The following L3MBTL4 variants were observed in gnomAD, a reference collection of about 807,000 sequenced individuals.
The protein encoded by L3MBTL4 is lethal(3)malignant brain tumor-like protein 4.
L3MBTL4 carries 70 observed loss-of-function variants against 84.5 expected under a neutral mutation model. The observed-to-expected ratio is 0.83, with a 90% CI of 0.68 to 1.01. The LOEUF (loss-of-function observed/expected upper bound fraction) is 1.01. L3MBTL4 is among the 50% of genes least tolerant of loss of function. The pLI is 0.00. For synonymous variants in L3MBTL4, 274 were observed against 259.8 expected (o/e 1.05, Z -0.52); for missense variants, 715 against 754.8 (o/e 0.95, Z 0.62).
chr18:6,105,887 T>C (rs1318274447), intron 14 of L3MBTL4, among the ~76,000 whole-genome samples: 1 of 151,582 alleles, frequency 6.6e-6, no homozygotes, highest in East Asian at 1.9e-4. Context: ...ATTTAGGTAG[T>C]AAAATTATAG....
intron 1 of L3MBTL4, chr18:6,326,859 A>T (rs2051748722): frequency 6.6e-6 from 1 of 152,228 alleles, no homozygotes; most frequent in Admixed American, 6.5e-5. Flanking sequence ...ACTATAGGAC[A>T]GACAGTACAT....
intron 1 of L3MBTL4, among the ~76,000 whole-genome samples, chr18:6,317,523 A>C (rs2051169375): frequency 6.6e-6 from 1 of 152,166 alleles, no homozygotes; most frequent in South Asian, 2.1e-4. Flanking sequence ...CTCGAAGATA[A>C]GGCTTTTGTT....
At chr18:6,322,935 T>C (rs1212537894) in intron 1 of L3MBTL4, among the ~76,000 whole-genome samples, 1 of 152,136 alleles carries the variant, frequency 6.6e-6, no homozygotes, top group Non-Finnish European at 1.5e-5. Context: ...TGGGAGGTGA[T>C]TGGATCATGA....
chr18:6,075,588 A>T (rs1364182121), intron 16 of L3MBTL4, among the ~76,000 whole-genome samples: 2 of 152,180 alleles, frequency 1.3e-5, no homozygotes, highest in African/African-American at 2.4e-5. Flanking sequence ...TAGAATAAAA[A>T]TCAGCAAAAT....
intron 1 of L3MBTL4, among the ~76,000 whole-genome samples, chr18:6,365,553 T>C (rs1167507411): frequency 1.3e-5 from 2 of 152,194 alleles, no homozygotes; most frequent in South Asian, 2.1e-4. Context: ...AGGTTTCTTA[T>C]AGGAAGATAA....
chr18:6,237,866 A>G (rs2047281707), intron 10 of L3MBTL4, 98 bp downstream of exon 10: 2 of 864,000 alleles, frequency 2.3e-6, no homozygotes, highest in Non-Finnish European at 4.0e-6. Flanking sequence ...CATATTAAAT[A>G]GATATGTATT....
In L3MBTL4 at chr18:6,239,769, T is replaced by C; in HGVS notation, c.656A>G (p.Glu219Gly). The stretch of plus-strand genomic sequence containing the variant: ...GTCAAAATGCACTAGTAAGCGATCT[T>C]CAACAATATCTGCTATGGTCGCCAC... ...VCVATIADIV[E>G]DRLLVHFDNW... The change falls in exon 9 of 19, where the codon GAA becomes GGA. Residue 219 changes from glutamate (E) to glycine (G), a missense_variant. Glu to Gly is a moderately conservative substitution (Grantham distance 98). Coordinates refer to ENST00000317931, the MANE Select transcript of L3MBTL4 (RefSeq NM_001330559.2). 1 of 1,614,148 alleles carries C rather than the reference T, an allele frequency of 6.2e-7. No homozygotes were observed. The highest frequency in any genetic ancestry group is 8.5e-7 in the Non-Finnish European group (1 of 1,180,006).
chr18:6,296,355 T>A (rs1401764521), intron 4 of L3MBTL4, among the ~76,000 whole-genome samples: 1 of 152,206 alleles, frequency 6.6e-6, no homozygotes, highest in African/African-American at 2.4e-5. Flanking sequence ...AAAGGATAGA[T>A]TTTATTGGTC....
chr18:6,242,545 AC>A (rs1372600238), intron 7 of L3MBTL4, among the ~76,000 whole-genome samples: 9 of 152,134 alleles, frequency 5.9e-5, no homozygotes, highest in Non-Finnish European at 5.9e-5. Flanking sequence ...CAAACCAGCA[AC>A]CTCAAGGACT....
chr18:6,398,142 A>G, intron 1 of L3MBTL4: 1 of 152,228 alleles, frequency 6.6e-6, no homozygotes, highest in East Asian at 1.9e-4. Flanking sequence ...GCACCACTGC[A>G]CTCCAGCCTG....
chr18:5,965,118 A>G (rs991939260), intron 17 of L3MBTL4, among the ~76,000 whole-genome samples: 2 of 152,212 alleles, frequency 1.3e-5, no homozygotes, highest in Non-Finnish European at 2.9e-5. Flanking sequence ...ACAAAGCAAC[A>G]ATCCTTATAA....
At chr18:6,086,508 A>G (rs1171888015) in intron 15 of L3MBTL4, among the ~76,000 whole-genome samples, 2 of 151,984 alleles carry the variant, frequency 1.3e-5, no homozygotes, top group African/African-American at 2.4e-5. Context: ...GACTCTAGAG[A>G]CTCCAGTGAG....
At chr18:6,152,076 A>T (rs542857726) in intron 13 of L3MBTL4, among the ~76,000 whole-genome samples, 8 of 152,212 alleles carry the variant, frequency 5.3e-5, no homozygotes, top group African/African-American at 1.9e-4. Flanking sequence ...CTTTTTATGG[A>T]TGAAAAATAT....
At chr18:6,323,371 T>A (rs1231298771) in intron 1 of L3MBTL4, among the ~76,000 whole-genome samples, 1 of 152,144 alleles carries the variant, frequency 6.6e-6, no homozygotes, top group Admixed American at 6.5e-5. Context: ...GATAAGAAGA[T>A]GAAGGAAAGT....
intron 7 of L3MBTL4, among the ~76,000 whole-genome samples, chr18:6,242,943 ATC>A (rs1234129052): frequency 1.3e-5 from 2 of 152,222 alleles, no homozygotes; most frequent in Non-Finnish European, 2.9e-5. Flanking sequence ...ACCTTGCTGT[ATC>A]ATTGATTAGA....
intron 16 of L3MBTL4, among the ~76,000 whole-genome samples, chr18:5,983,837 A>G (rs1485588951): frequency 6.6e-6 from 1 of 152,136 alleles, no homozygotes; most frequent in African/African-American, 2.4e-5. Context: ...ATTTCCTCAT[A>G]CTAAACACTC....
At chr18:6,334,171 T>A (rs2052202741) in intron 1 of L3MBTL4, among the ~76,000 whole-genome samples, 1 of 152,182 alleles carries the variant, frequency 6.6e-6, no homozygotes, top group African/African-American at 2.4e-5. Flanking sequence ...TGCAACCTTT[T>A]GATGCTCAGG....
At chr18:6,188,951 C>A (rs1287696327) in intron 12 of L3MBTL4, among the ~76,000 whole-genome samples, 1 of 152,240 alleles carries the variant, frequency 6.6e-6, no homozygotes, top group East Asian at 1.9e-4. Context: ...TCCATCTCTG[C>A]ATTTGCTTCC....
intron 15 of L3MBTL4, among the ~76,000 whole-genome samples, chr18:6,087,201 G>A (rs977197417): frequency 2.0e-5 from 3 of 152,118 alleles, no homozygotes; most frequent in East Asian, 1.9e-4. Context: ...CTATGGTCAC[G>A]GTGCTGAATT....
Sources: allele counts gnomAD v4.1 joint callset (sites outside exome capture counted in the v4.1 genomes callset), GRCh38; gene constraint gnomAD v4.1.1; transcripts MANE v1.5; gene names NCBI Gene and HGNC (gene_info 2026-07-23, HGNC 2026-07-21).